The following MAF variants were observed in gnomAD, a reference collection of about 807,000 sequenced individuals.
The protein encoded by MAF is transcription factor Maf.
A neutral mutation model predicts 22.0 loss-of-function variants in MAF; 10 were observed. The observed-to-expected ratio is 0.45, with a 90% CI of 0.28 to 0.77. The LOEUF (loss-of-function observed/expected upper bound fraction) is 0.77. Ranked by LOEUF, MAF falls within the 30% of genes least tolerant of loss-of-function variation. The pLI, the probability that MAF is intolerant of heterozygous loss-of-function variation, is 0.12. For synonymous variants in MAF, 337 were observed against 255.8 expected, an observed-to-expected ratio of 1.32 and a Z score of -3.03; for missense variants, 544 against 548.4, an observed-to-expected ratio of 0.99 and a Z score of 0.08.
chr16:79,494,283 G>C, the MAF span, among the ~76,000 whole-genome samples: 14 of 152,206 alleles, frequency 9.2e-5, no homozygotes, highest in South Asian at 2.5e-3. Flanking sequence ...GAAAAAATTG[G>C]GTTTGCCCAT....
chr16:79,419,253 G>C, the MAF span, among the ~76,000 whole-genome samples: 7 of 152,296 alleles, frequency 4.6e-5, 1 homozygote, highest in South Asian at 1.5e-3. Flanking sequence ...ATAGAGGGAG[G>C]ATTTGAGGAG....
rs887290222 is a variant in MAF at position 79,593,958 on chromosome 16, G to C, written c.*502C>G. The C allele has an allele frequency of 1.9e-5, 4 of 210,972 alleles. No homozygotes were observed. Among genetic ancestry groups the C allele is most frequent in the African/African-American group, 9.2e-5 (4 of 43,674 alleles). The allele number at this position is 210,972 out of a possible 1,614,324, so 13.1% of individuals were successfully genotyped here. On this transcript the variant is annotated 3_prime_UTR_variant, in exon 2 of 2. Transcript: ENST00000326043. ...CCGTCTAGGGCCTACGAGAAAACCA[G>C]GGGGCTCGGCTCCGCTGGAGCCTCT...
chr16:79,541,894 G>A, the MAF span, among the ~76,000 whole-genome samples: 6 of 151,970 alleles, frequency 3.9e-5, no homozygotes, highest in Admixed American at 1.3e-4. Context: ...CACCTCAAGC[G>A]ATCCACCATC....
chr16:79,495,646 C>T, the MAF span, among the ~76,000 whole-genome samples: 10 of 152,178 alleles, frequency 6.6e-5, no homozygotes, highest in African/African-American at 1.4e-4. Context: ...TTCTGCCTGC[C>T]GCGACTGTTA....
the MAF span, among the ~76,000 whole-genome samples, chr16:79,324,538 C>G: frequency 4.1e-4 from 63 of 152,196 alleles, no homozygotes; most frequent in Non-Finnish European, 6.9e-4. Flanking sequence ...TTACAATGAC[C>G]ATATAAGCAA....
At chr16:79,441,320 CCT>C in the MAF span, among the ~76,000 whole-genome samples, 3 of 152,196 alleles carry the variant, frequency 2.0e-5, no homozygotes, top group African/African-American at 7.2e-5. Context: ...TTCCCAAGCT[CCT>C]CTCTTACACA....
At chr16:79,374,625 G>A in the MAF span, among the ~76,000 whole-genome samples, 2 of 152,192 alleles carry the variant, frequency 1.3e-5, no homozygotes, top group Non-Finnish European at 2.9e-5. Flanking sequence ...GAAGGCACTG[G>A]GGCTAGAAGG....
At chr16:79,527,118 G>T in the MAF span, among the ~76,000 whole-genome samples, 2 of 152,180 alleles carry the variant, frequency 1.3e-5, no homozygotes, top group South Asian at 2.1e-4. Flanking sequence ...ATAGCTGTGT[G>T]TCATTTGTGG....
the MAF span, among the ~76,000 whole-genome samples, chr16:79,431,188 G>T: frequency 6.6e-6 from 1 of 152,112 alleles, no homozygotes; most frequent in African/African-American, 2.4e-5. Flanking sequence ...GCATTTTTGT[G>T]CAGTGAACAA....
At chr16:79,352,678 G>T in the MAF span, among the ~76,000 whole-genome samples, 19 of 152,294 alleles carry the variant, frequency 1.2e-4, no homozygotes, top group African/African-American at 3.6e-4. Flanking sequence ...CCAGTCACTG[G>T]CTTTCAACCA....
At chr16:79,417,106 A>G in the MAF span, among the ~76,000 whole-genome samples, 1 of 152,160 alleles carries the variant, frequency 6.6e-6, no homozygotes, top group Non-Finnish European at 1.5e-5. Context: ...AGCAAAAGTT[A>G]TTCAGCCAGG....
chr16:79,464,656 A>G, the MAF span, among the ~76,000 whole-genome samples: 1 of 152,334 alleles, frequency 6.6e-6, no homozygotes, highest in Admixed American at 6.5e-5. Flanking sequence ...TACCTGGCAA[A>G]TGACATAACT....
chr16:79,214,932 A>C, the MAF span, among the ~76,000 whole-genome samples: 1 of 146,868 alleles, frequency 6.8e-6, no homozygotes, highest in Admixed American at 6.8e-5. Context: ...CTGGTCTCGA[A>C]CTCCTGACCT....
At chr16:79,437,138 CTCTCTCTCTGTGTGTGTGTG>C in the MAF span, among the ~76,000 whole-genome samples, 3 of 21,706 alleles carry the variant, frequency 1.4e-4, no homozygotes, top group Admixed American at 1.1e-3. Flanking sequence ...AGAAAGCTCT[CTCTCTCTCTGTGTGTGTGTG>C]TGTGTGTGTG....
the MAF span, among the ~76,000 whole-genome samples, chr16:79,471,170 C>CA: frequency 1.3e-5 from 2 of 152,202 alleles, no homozygotes; most frequent in Admixed American, 6.5e-5. Flanking sequence ...GGCATACCTG[C>CA]AGGGTAAGAT....
chr16:79,404,609 C>A, the MAF span, among the ~76,000 whole-genome samples: 9 of 150,988 alleles, frequency 6.0e-5, no homozygotes, highest in African/African-American at 1.9e-4. Flanking sequence ...ATTGAAATGA[C>A]AAGCGCTTCA....
chr16:79,431,027 G>T, the MAF span, among the ~76,000 whole-genome samples: 1 of 152,120 alleles, frequency 6.6e-6, no homozygotes, highest in African/African-American at 2.4e-5. Context: ...TAGGTGAATA[G>T]TTCCTTTGTG....
At chr16:79,544,733 A>G in the MAF span, among the ~76,000 whole-genome samples, 1 of 147,274 alleles carries the variant, frequency 6.8e-6, no homozygotes, top group South Asian at 2.2e-4. Flanking sequence ...AGATTGCACC[A>G]CTGCACTCCA....
At chr16:79,321,195 AG>A in the MAF span, among the ~76,000 whole-genome samples, 2 of 152,222 alleles carry the variant, frequency 1.3e-5, no homozygotes, top group Non-Finnish European at 2.9e-5. Context: ...ATTCTCCACC[AG>A]GGAAATTCCA....
Sources: allele counts gnomAD v4.1 joint callset (sites outside exome capture counted in the v4.1 genomes callset), GRCh38; gene constraint gnomAD v4.1.1; transcripts MANE v1.5; gene names NCBI Gene and HGNC (gene_info 2026-07-23, HGNC 2026-07-21).